Variants in BMP1 observed in about 807,000 individuals in gnomAD.
BMP1 encodes bone morphogenetic protein 1.
BMP1 carries 63 observed loss-of-function variants against 116.8 expected under a neutral mutation model. That is an observed-to-expected ratio of 0.54 (90% CI 0.44 to 0.67). The LOEUF is 0.67. Among genes scored for constraint, BMP1 ranks in the 30% least tolerant of loss-of-function variants. The pLI is 0.00. For synonymous variants in BMP1, 536 were observed against 533.4 expected (o/e 1.00, Z -0.07); for missense variants, 1,183 against 1,358.9 (o/e 0.87, Z 2.04).
At chr8:22,185,836 T>C (rs549977151) in intron 8 of BMP1, among the ~76,000 whole-genome samples, 2 of 144,452 alleles carry the variant, frequency 1.4e-5, no homozygotes, top group East Asian at 3.9e-4. Flanking sequence ...TTCTTTTTTT[T>C]TTTTTTTTTT....
intron 19 of BMP1, among the ~76,000 whole-genome samples, chr8:22,210,437 C>T: frequency 8.2e-6 from 1 of 121,674 alleles, no homozygotes. Context: ...ACCCATCTCT[C>T]TCTCTTTCCC....
In BMP1 at chr8:22,207,656, T is replaced by C. The variant is rs547017849; in HGVS notation, c.2575+140T>C. On this transcript the variant is annotated intron_variant, in intron 18 of 19. Coordinates refer to ENST00000306385, the MANE Select transcript of BMP1 (RefSeq NM_006129.5). ...GCCAGGGTTGTGGGTGATGCAAACA[T>C]TGTGTCCTGAGAACCAGGCCTGGGG... 6.2e-4 allele frequency: 629 copies of C among 1,012,888 alleles called. 2 individuals are homozygous for C. Among genetic ancestry groups the C allele is most frequent in the Non-Finnish European group, 8.1e-4 (563 of 699,088 alleles). The allele number at this position is 1,012,888 out of a possible 1,614,324, so 62.7% of individuals were successfully genotyped here. A position where few individuals can be genotyped will look rare whatever the true frequency, so the allele number is the denominator to read the frequency against.
chr8:22,191,005 G>A (rs189179926), intron 8 of BMP1, among the ~76,000 whole-genome samples: 68 of 152,296 alleles, frequency 4.5e-4, no homozygotes, highest in African/African-American at 1.6e-3. Flanking sequence ...CGAGGAAGTG[G>A]TTTCCCCCCG....
intron 5 of BMP1, 61 bp downstream of exon 5, chr8:22,177,200 A>T: frequency 3.4e-6 from 5 of 1,489,442 alleles, no homozygotes; most frequent in Non-Finnish European, 4.5e-6. Flanking sequence ...CCCCACCTCC[A>T]GGACCCCTGG....
chr8:22,181,738 C>T (rs529958585), intron 8 of BMP1, among the ~76,000 whole-genome samples: 6 of 152,016 alleles, frequency 3.9e-5, no homozygotes, highest in Middle Eastern at 3.4e-3. Flanking sequence ...TATTTTTGGT[C>T]GAGACAGGGT....
Position 22,211,766 on chromosome 8 carries a change from C to T in BMP1, c.*38C>T, listed in dbSNP as rs769540742. The T allele has an allele frequency of 1.2e-6, 2 of 1,613,634 alleles. No individual in the cohort carries two copies. Among genetic ancestry groups the T allele is most frequent in the Admixed American group, 1.7e-5 (1 of 60,024 alleles). On this transcript the variant is annotated 3_prime_UTR_variant, in exon 20 of 20. Transcript: ENST00000306385. Reference sequence around the variant, plus strand: ...CAGGGGCGGGGACTGGAGCCTGCTGCCCTTGGTCGCCTAGACTGGATAGTG... The same window carrying T: ...CAGGGGCGGGGACTGGAGCCTGCTGTCCTTGGTCGCCTAGACTGGATAGTG...
intron 16 of BMP1, among the ~76,000 whole-genome samples, chr8:22,204,742 C>A (rs10098236): frequency 6.6e-6 from 1 of 151,194 alleles, no homozygotes. Context: ...CGCCCGCCCC[C>A]GCAAAAAGAA....
chr8:22,169,011 A>G (rs1828198020), intron 1 of BMP1, among the ~76,000 whole-genome samples: 1 of 152,054 alleles, frequency 6.6e-6, no homozygotes, highest in African/African-American at 2.4e-5. Context: ...CTACAAAAAA[A>G]TTTAAAAATT....
At chr8:22,207,940 G>C (rs1479374187) in intron 18 of BMP1, among the ~76,000 whole-genome samples, 3 of 152,088 alleles carry the variant, frequency 2.0e-5, no homozygotes, top group African/African-American at 7.2e-5. Context: ...CTGGAGTGCA[G>C]TGGTTCGATC....
At chr8:22,196,187 A>T (rs780280595) in intron 13 of BMP1, 1 of 522,316 alleles carries the variant, frequency 1.9e-6, no homozygotes, top group Non-Finnish European at 3.8e-6. Flanking sequence ...CCAGGGTGTT[A>T]TGATCTACAG....
chr8:22,170,635 C>G (rs958209301), intron 1 of BMP1: 2 of 152,098 alleles, frequency 1.3e-5, no homozygotes, highest in African/African-American at 4.8e-5. Context: ...GGTGTGGGAG[C>G]CTGCAGGTAC....
chr8:22,168,936 G>T lies in BMP1; in HGVS notation c.148+3383G>T, dbSNP rs117456530. Among the ~76,000 whole-genome samples, 924 of 152,274 alleles carry T rather than the reference G, an allele frequency of 6.1e-3. 4 individuals are homozygous for T. The highest frequency in any genetic ancestry group is 8.1e-3 in the Non-Finnish European group (551 of 68,016). The stretch of plus-strand genomic sequence containing the variant: ...CTGTAATCCACTTTGGGAGGCTAAA[G>T]TGGGAGGATCACTTGAAGCCAGGAG... On this transcript the variant is annotated intron_variant, in intron 1 of 19. Coordinates refer to ENST00000306385, the MANE Select transcript of BMP1 (RefSeq NM_006129.5).
chr8:22,177,521 C>T, intron 5 of BMP1: 1 of 716,752 alleles, frequency 1.4e-6, no homozygotes, highest in Non-Finnish European at 2.6e-6. Flanking sequence ...CTCTCATTTT[C>T]TCGATGTCTC....
chr8:22,184,836 C>T (rs1049663380), intron 8 of BMP1, among the ~76,000 whole-genome samples: 5 of 152,232 alleles, frequency 3.3e-5, no homozygotes, highest in African/African-American at 1.2e-4. Flanking sequence ...ACTCCAAAGT[C>T]TATGGCCTTT....
intron 4 of BMP1, 99 bp from the exon 5 acceptor site, chr8:22,176,862 G>T: frequency 9.0e-7 from 1 of 1,106,804 alleles, no homozygotes; most frequent in Non-Finnish European, 1.3e-6. Flanking sequence ...CCTCCCCTTC[G>T]CTCCCCTGCC....
At chr8:22,175,669 C>T (rs1828409440) in intron 2 of BMP1, among the ~76,000 whole-genome samples, 1 of 152,198 alleles carries the variant, frequency 6.6e-6, no homozygotes, top group Non-Finnish European at 1.5e-5. Context: ...CAACAGCACT[C>T]TAACTCATGC....
chr8:22,176,249 G>A lies in BMP1; in HGVS notation c.369G>A (p.Thr123=), dbSNP rs780936783. ...GATCCCGTAGCCGGCGGGCGGCGAC[G>A]TCCCGACCAGAGCGTGTGTGGCCCG... ...RGRSRSRRAA[T]SRPERVWPDG... Residue 123 remains threonine (T), a synonymous_variant, in exon 3 of 20, where the codon ACG becomes ACA. Coordinates refer to ENST00000306385, the MANE Select transcript of BMP1 (RefSeq NM_006129.5). 4 of 1,613,746 alleles carry A rather than the reference G, an allele frequency of 2.5e-6. No homozygotes were observed. The highest frequency in any genetic ancestry group is 1.1e-5 in the South Asian group (1 of 90,992).
intron 16 of BMP1, among the ~76,000 whole-genome samples, chr8:22,202,318 G>C (rs1453605011): frequency 6.6e-6 from 1 of 152,212 alleles, no homozygotes; most frequent in East Asian, 1.9e-4. Context: ...CTAGCTGTGT[G>C]CCTTTGAGTG....
At chr8:22,195,367 G>A (rs764506180) in intron 12 of BMP1, 95 bp from the exon 13 acceptor site, 23 of 1,468,370 alleles carry the variant, frequency 1.6e-5, no homozygotes, top group Admixed American at 2.4e-5. Flanking sequence ...CGGGGAGCTG[G>A]GTGGGTCTTG....
Sources: gnomAD v4.1 joint callset for allele counts (sites outside exome capture counted in the v4.1 genomes callset) on GRCh38, gnomAD v4.1.1 for gene constraint, MANE v1.5 for transcripts, NCBI Gene and HGNC (gene_info 2026-07-23, HGNC 2026-07-21) for gene names.